TENM4: variants seen among roughly 807,000 people sequenced by gnomAD.
TENM4 encodes teneurin transmembrane protein 4, also known as teneurin-4.
A neutral mutation model predicts 243.3 loss-of-function variants in TENM4; 82 were observed. The observed-to-expected ratio is 0.34, with a 90% CI of 0.28 to 0.40. The LOEUF is 0.40. Among genes scored for constraint, TENM4 ranks in the 10% least tolerant of loss-of-function variants. The probability of loss-of-function intolerance (pLI) is 1.00; values close to 1 mark genes in which losing one functional copy is unlikely to be tolerated. For missense variants in TENM4, 3,138 were observed against 3,673.3 expected (o/e 0.85, Z 3.77); for synonymous variants, 1,412 against 1,456.3 (o/e 0.97, Z 0.69).
chr11:78,779,740 C>CTA (rs1238838967), intron 16 of TENM4, among the ~76,000 whole-genome samples: 1 of 152,228 alleles, frequency 6.6e-6, no homozygotes, highest in African/African-American at 2.4e-5. Context: ...TGCACTCCAG[C>CTA]CCCAGCTGAA....
At chr11:78,957,341 C>T (rs373173623) in intron 6 of TENM4, among the ~76,000 whole-genome samples, 6 of 152,132 alleles carry the variant, frequency 3.9e-5, no homozygotes, top group South Asian at 2.1e-4. Context: ...CCAGGCTCCA[C>T]GAAATTCATA....
intron 6 of TENM4, among the ~76,000 whole-genome samples, chr11:78,996,253 T>C (rs992892846): frequency 6.6e-6 from 1 of 152,196 alleles, no homozygotes; most frequent in African/African-American, 2.4e-5. Flanking sequence ...AGAGAACTAG[T>C]AACCTATGCT....
At chr11:78,781,071 G>T (rs944235175) in intron 16 of TENM4, among the ~76,000 whole-genome samples, 1 of 152,156 alleles carries the variant, frequency 6.6e-6, no homozygotes, top group Non-Finnish European at 1.5e-5. Flanking sequence ...ATTGAAAATG[G>T]GAGTGACAAA....
chr11:79,077,098 T>C (rs146155125), intron 4 of TENM4, among the ~76,000 whole-genome samples: 92 of 152,294 alleles, frequency 6.0e-4, no homozygotes, highest in African/African-American at 2.2e-3. Flanking sequence ...TCCTAAGTGC[T>C]GCAAAAGATC....
chr11:79,139,498 TCTAGAA>T lies in TENM4; in HGVS notation c.-66+9206_-66+9211del, dbSNP rs1862218172. 1.1e-3 allele frequency among the ~76,000 whole-genome samples: 42 copies of T among 36,870 alleles called. 14 individuals are homozygous for T. Among genetic ancestry groups the T allele is most frequent in the Non-Finnish European group, 2.2e-3 (34 of 15,608 alleles). The allele number at this position is 36,870 out of a possible 152,430, so 24.2% of individuals were successfully genotyped here. A position where few individuals can be genotyped will look rare whatever the true frequency, so the allele number is the denominator to read the frequency against. On this transcript the variant is annotated intron_variant, in intron 4 of 33. Transcript: ENST00000278550. Reference sequence around the variant, plus strand: ...AAATATATAAAATATATATTATATTTCTAGAAATATATAAAATATATATTATATTTC... The same window carrying T: ...AAATATATAAAATATATATTATATTTATATATAAAATATATATTATATTTC...
intron 3 of TENM4, among the ~76,000 whole-genome samples, chr11:79,190,648 A>G (rs1413596730): frequency 6.6e-6 from 1 of 152,226 alleles, no homozygotes; most frequent in African/African-American, 2.4e-5. Context: ...ATAAATGTGG[A>G]AGGAATCACA....
chr11:78,939,099 G>C (rs1482001055), intron 6 of TENM4, among the ~76,000 whole-genome samples: 1 of 152,152 alleles, frequency 6.6e-6, no homozygotes, highest in Non-Finnish European at 1.5e-5. Context: ...AAGCAGATAA[G>C]GGTAATGGAA....
intron 6 of TENM4, among the ~76,000 whole-genome samples, chr11:78,970,331 G>T (rs1237688483): frequency 6.6e-6 from 1 of 152,130 alleles, no homozygotes; most frequent in South Asian, 2.1e-4. Context: ...ATTTGAAATG[G>T]ATTGGAATCC....
chr11:78,701,836 C>T lies in TENM4; in HGVS notation c.4777G>A (p.Gly1593Ser). ...AGGCTTTGGGTGTACAGGTGCTTGC[C>T]GGTGGTATCAAACAGATAGAGCTCC... ...DQELYLFDTT[G>S]KHLYTQSLPT... Residue 1593 changes from glycine to serine, a missense_variant, in exon 28 of 34, where the codon GGC becomes AGC. Around this residue, in one of 2 missense-constraint regions of TENM4, gnomAD observed 2,467 missense variants for 3,059.1 expected, o/e 0.81. Coordinates refer to ENST00000278550, the MANE Select transcript of TENM4 (RefSeq NM_001098816.3). 1.9e-6 allele frequency: 3 copies of T among 1,613,934 alleles called. No individual in the cohort carries two copies. Among genetic ancestry groups the T allele is most frequent in the Non-Finnish European group, 2.5e-6 (3 of 1,179,870 alleles).
chr11:79,348,589 A>G (rs962218590), intron 1 of TENM4, among the ~76,000 whole-genome samples: 14 of 152,222 alleles, frequency 9.2e-5, no homozygotes, highest in Non-Finnish European at 1.9e-4. Flanking sequence ...AGATTAGGTC[A>G]TGAGGGTGAG....
At chr11:79,370,009 C>T (rs1045660796) in intron 1 of TENM4, among the ~76,000 whole-genome samples, 1 of 152,320 alleles carries the variant, frequency 6.6e-6, no homozygotes, top group African/African-American at 2.4e-5. Context: ...CCGTAAGCTG[C>T]TTCCTCATTC....
chr11:78,985,429 G>A (rs1565155235), intron 6 of TENM4, among the ~76,000 whole-genome samples: 2 of 152,108 alleles, frequency 1.3e-5, no homozygotes, highest in Admixed American at 6.5e-5. Flanking sequence ...CACAACCTAA[G>A]CAACCCTGGG....
At chr11:79,123,169 A>G (rs1861778536) in intron 4 of TENM4, among the ~76,000 whole-genome samples, 1 of 152,308 alleles carries the variant, frequency 6.6e-6, no homozygotes, top group African/African-American at 2.4e-5. Flanking sequence ...ATAGATGAGG[A>G]CTGTCTCATG....
intron 6 of TENM4, among the ~76,000 whole-genome samples, chr11:79,015,997 G>A (rs975413886): frequency 6.6e-6 from 1 of 152,184 alleles, no homozygotes; most frequent in Non-Finnish European, 1.5e-5. Context: ...AAAAGCCAAA[G>A]GCAAGGGCGA....
intron 27 of TENM4, among the ~76,000 whole-genome samples, chr11:78,706,722 G>A (rs1859260297): frequency 6.6e-6 from 1 of 152,128 alleles, no homozygotes; most frequent in Non-Finnish European, 1.5e-5. Context: ...TCTATCTAAA[G>A]TTAAACAATT....
At chr11:78,706,128 A>C (rs956800680) in intron 27 of TENM4, among the ~76,000 whole-genome samples, 2 of 152,190 alleles carry the variant, frequency 1.3e-5, no homozygotes, top group Non-Finnish European at 2.9e-5. Flanking sequence ...GCTCTACCCT[A>C]TGAGACTATT....
chr11:79,155,966 T>G (rs1200521633), intron 3 of TENM4, among the ~76,000 whole-genome samples: 1 of 152,094 alleles, frequency 6.6e-6, no homozygotes, highest in Non-Finnish European at 1.5e-5. Context: ...TCCTACATGT[T>G]GTCTACTATA....
intron 12 of TENM4, among the ~76,000 whole-genome samples, chr11:78,822,611 A>C (rs937636660): frequency 1.3e-5 from 2 of 152,190 alleles, no homozygotes; most frequent in South Asian, 4.1e-4. Context: ...TAAATAGTTA[A>C]GGCATGTGGG....
chr11:79,252,888 C>A (rs1320751780), intron 2 of TENM4, among the ~76,000 whole-genome samples: 1 of 152,252 alleles, frequency 6.6e-6, no homozygotes, highest in East Asian at 1.9e-4. Context: ...CCCAGACAGA[C>A]GAGTAAGAGT....
Sources: gnomAD v4.1 joint callset for allele counts (sites outside exome capture counted in the v4.1 genomes callset) on GRCh38, gnomAD v4.1.1 for gene constraint, gnomAD v4.1.1 regional missense constraint, MANE v1.5 for transcripts, NCBI Gene and HGNC (gene_info 2026-07-23, HGNC 2026-07-21) for gene names.